The following RFX3 variants were observed in gnomAD, a reference collection of about 807,000 sequenced individuals.
RFX3 encodes regulatory factor X3, also known as transcription factor RFX3.
Under a neutral mutation model 98.6 loss-of-function variants are expected in RFX3, and 14 were observed. The ratio of observed to expected loss-of-function variants is 0.14; its 90% CI spans 0.09 to 0.22. RFX3 has a LOEUF of 0.22. Ranked by LOEUF, RFX3 falls within the 10% of genes least tolerant of loss-of-function variation. The pLI is 1.00. For synonymous variants in RFX3, 383 were observed against 328.4 expected, an observed-to-expected ratio of 1.17 and a Z score of -1.80; for missense variants, 639 against 926.9, an observed-to-expected ratio of 0.69 and a Z score of 4.03.
chr9:3,336,404 CA>C (rs532388538), intron 3 of RFX3, among the ~76,000 whole-genome samples: 33 of 140,978 alleles, frequency 2.3e-4, no homozygotes, highest in African/African-American at 2.6e-4. Flanking sequence ...CCTATGAAAG[CA>C]AAAAAAAAAT....
chr9:3,359,854 T>C (rs1836205437), intron 2 of RFX3, among the ~76,000 whole-genome samples: 1 of 152,168 alleles, frequency 6.6e-6, no homozygotes, highest in African/African-American at 2.4e-5. Context: ...TGCATGCTAT[T>C]TTCTCGTTCT....
intron 2 of RFX3, among the ~76,000 whole-genome samples, chr9:3,367,276 A>G (rs1366932277): frequency 6.6e-6 from 1 of 152,142 alleles, no homozygotes; most frequent in African/African-American, 2.4e-5. Context: ...AGGGGCTACA[A>G]GAGAAGTCAA....
chr9:3,268,156 A>C (rs979170931), intron 11 of RFX3, among the ~76,000 whole-genome samples: 1 of 151,746 alleles, frequency 6.6e-6, no homozygotes, highest in Non-Finnish European at 1.5e-5. Context: ...CGTTTTTTTC[A>C]TTTTCAGATA....
chr9:3,280,915 A>C (rs1006833300), intron 7 of RFX3, among the ~76,000 whole-genome samples: 2 of 151,806 alleles, frequency 1.3e-5, no homozygotes, highest in African/African-American at 4.8e-5. Flanking sequence ...CATCATTTTA[A>C]ACAAAATAAG....
intron 1 of RFX3, among the ~76,000 whole-genome samples, chr9:3,511,577 T>C (rs1817668025): frequency 6.6e-6 from 1 of 152,176 alleles, no homozygotes; most frequent in Non-Finnish European, 1.5e-5. Context: ...TAGCAAACTT[T>C]GAAGGAAATA....
At chr9:3,226,151 G>A (rs140926935) in intron 16 of RFX3, among the ~76,000 whole-genome samples, 1 of 152,220 alleles carries the variant, frequency 6.6e-6, no homozygotes, top group African/African-American at 2.4e-5. Context: ...CTTCATGAGG[G>A]ATAATTACAG....
At chr9:3,362,689 T>A (rs7026978) in intron 2 of RFX3, among the ~76,000 whole-genome samples, 7,130 of 152,300 alleles carry the variant, frequency 0.047, 502 homozygotes, top group African/African-American at 0.14. Flanking sequence ...ATATGAAGGC[T>A]AACATAGCAG....
At chr9:3,356,100 A>C (rs1835719464) in intron 2 of RFX3, among the ~76,000 whole-genome samples, 1 of 150,880 alleles carries the variant, frequency 6.6e-6, no homozygotes, top group Admixed American at 6.6e-5. Flanking sequence ...TAAGGCAATA[A>C]CCTAAGTTTC....
At chr9:3,522,308 A>G (rs1018870067) in intron 1 of RFX3, among the ~76,000 whole-genome samples, 1 of 152,210 alleles carries the variant, frequency 6.6e-6, no homozygotes. Flanking sequence ...ATACTTTGTC[A>G]TGGCCACTGG....
At chr9:3,482,102 G>T (rs1420057513) in intron 1 of RFX3, among the ~76,000 whole-genome samples, 1 of 151,780 alleles carries the variant, frequency 6.6e-6, no homozygotes, top group African/African-American at 2.4e-5. Context: ...CCAAAATACT[G>T]TATAGGATAC....
intron 3 of RFX3, among the ~76,000 whole-genome samples, chr9:3,331,637 C>T (rs891596802): frequency 4.6e-5 from 7 of 152,002 alleles, no homozygotes; most frequent in Non-Finnish European, 7.4e-5. Flanking sequence ...TCTCCTTTTC[C>T]ACTTTTTGCT....
chr9:3,445,481 G>C (rs188279722), intron 1 of RFX3, among the ~76,000 whole-genome samples: 1 of 152,162 alleles, frequency 6.6e-6, no homozygotes, highest in East Asian at 1.9e-4. Flanking sequence ...GCAGGTTGAG[G>C]ATCTGAAGTC....
chr9:3,494,233 C>G (rs1197031719), intron 1 of RFX3, among the ~76,000 whole-genome samples: 1 of 152,164 alleles, frequency 6.6e-6, no homozygotes, highest in Non-Finnish European at 1.5e-5. Flanking sequence ...TGCATAGACT[C>G]TGGTGTTAAA....
At chr9:3,449,339 C>T (rs1005273600) in intron 1 of RFX3, among the ~76,000 whole-genome samples, 1 of 152,172 alleles carries the variant, frequency 6.6e-6, no homozygotes, top group African/African-American at 2.4e-5. Context: ...TATTTTCATC[C>T]CAGAGCTCTT....
chr9:3,348,735 G>A (rs552261501), intron 2 of RFX3, among the ~76,000 whole-genome samples: 4 of 151,922 alleles, frequency 2.6e-5, no homozygotes, highest in African/African-American at 4.8e-5. Context: ...ACGATTCTCA[G>A]CTTTTGAACA....
At chr9:3,493,100 C>A (rs1220979285) in intron 1 of RFX3, among the ~76,000 whole-genome samples, 2 of 152,126 alleles carry the variant, frequency 1.3e-5, no homozygotes, top group African/African-American at 2.4e-5. Context: ...TGGTGCCAGG[C>A]ATCTAACCTG....
chr9:3,293,678 A>G (rs1037197841), intron 5 of RFX3, among the ~76,000 whole-genome samples: 5 of 152,326 alleles, frequency 3.3e-5, no homozygotes, highest in Non-Finnish European at 4.4e-5. Context: ...TTGGCTTATT[A>G]TAACATATGA....
intron 2 of RFX3, among the ~76,000 whole-genome samples, chr9:3,394,279 T>C (rs1022175072): frequency 1.6e-4 from 25 of 152,050 alleles, no homozygotes; most frequent in Admixed American, 4.6e-4. Context: ...CTGGCTAACA[T>C]GGTGAAACCC....
chr9:3,314,630 C>T (rs1830364228), intron 4 of RFX3, among the ~76,000 whole-genome samples: 1 of 151,962 alleles, frequency 6.6e-6, no homozygotes, highest in Non-Finnish European at 1.5e-5. Context: ...GGAGAACCAT[C>T]TCATGTACAG....
Sources: gnomAD v4.1 joint callset for allele counts (sites outside exome capture counted in the v4.1 genomes callset) on GRCh38, gnomAD v4.1.1 for gene constraint, MANE v1.5 for transcripts, NCBI Gene and HGNC (gene_info 2026-07-23, HGNC 2026-07-21) for gene names.